SIK3: variants seen among roughly 807,000 people sequenced by gnomAD.
The protein encoded by SIK3 is SIK family kinase 3.
SIK3 carries 28 observed loss-of-function variants against 144.2 expected under a neutral mutation model. The observed-to-expected ratio is 0.19, with a 90% confidence interval of 0.14 to 0.27. The LOEUF is 0.27. SIK3 is among the 10% of genes least tolerant of loss of function. The pLI is 1.00. For missense variants in SIK3, 1,319 were observed against 1,776.0 expected, an observed-to-expected ratio of 0.74 and a Z score of 4.62; for synonymous variants, 686 against 676.3, an observed-to-expected ratio of 1.01 and a Z score of -0.22.
chr11:116,946,979 G>A (rs901769372), intron 3 of SIK3, among the ~76,000 whole-genome samples: 1 of 151,214 alleles, frequency 6.6e-6, no homozygotes, highest in Non-Finnish European at 1.5e-5. Context: ...GCCGGGCATA[G>A]TGGCGAGTGC....
chr11:117,089,197 A>T (rs979110760), intron 1 of SIK3, among the ~76,000 whole-genome samples: 1 of 151,970 alleles, frequency 6.6e-6, no homozygotes, highest in African/African-American at 2.4e-5. Context: ...CGAGGTCAGG[A>T]AATCGAGACC....
At chr11:117,049,528 AG>A (rs1388459759) in intron 1 of SIK3, among the ~76,000 whole-genome samples, 1 of 152,172 alleles carries the variant, frequency 6.6e-6, no homozygotes, top group Non-Finnish European at 1.5e-5. Flanking sequence ...CAGTAAGCCG[AG>A]ATCGCGCCAC....
chr11:117,034,472 G>A (rs571023422), intron 1 of SIK3, among the ~76,000 whole-genome samples: 1 of 152,250 alleles, frequency 6.6e-6, no homozygotes, highest in East Asian at 1.9e-4. Flanking sequence ...CACAATTGAA[G>A]GGAGAAATTA....
intron 1 of SIK3, among the ~76,000 whole-genome samples, chr11:117,067,756 G>A (rs1269881847): frequency 1.3e-5 from 2 of 152,122 alleles, no homozygotes; most frequent in African/African-American, 4.8e-5. Context: ...AGAGGCCAAG[G>A]CGGGAGGATC....
chr11:116,875,850 T>C lies in SIK3; in HGVS notation c.1239+16A>G. 6.3e-7 allele frequency: 1 copy of C among 1,595,706 alleles called. No individual in the cohort carries two copies. ...TGTTACTTGTCCTGAACTAGGTCACTGGAGTTATTGCCCACCTGGATATTG... is the reference window on the plus strand; with the variant it reads ...TGTTACTTGTCCTGAACTAGGTCACCGGAGTTATTGCCCACCTGGATATTG... On this transcript the variant is annotated intron_variant, in intron 9 of 24. Coordinates refer to ENST00000445177, the MANE Select transcript of SIK3 (RefSeq NM_001366686.3).
chr11:116,937,177 T>C (rs776673685), intron 3 of SIK3, among the ~76,000 whole-genome samples: 1 of 152,216 alleles, frequency 6.6e-6, no homozygotes, highest in African/African-American at 2.4e-5. Flanking sequence ...CTGCAAGACG[T>C]AGAAAAATAT....
rs561975531 is a variant in SIK3 at position 116,868,139 on chromosome 11, T to C, written c.1809-50A>G. 19 of 1,548,724 alleles carry C rather than the reference T, an allele frequency of 1.2e-5. No homozygotes were observed. The South Asian group carries it at 1.8e-4, about 15-fold the overall frequency. Reference sequence around the variant, plus strand: ...ATAGTAAAAAAGACAGACAGGAATATTCCTCCACAAGAAGCATTAGAAGTT... The same window carrying C: ...ATAGTAAAAAAGACAGACAGGAATACTCCTCCACAAGAAGCATTAGAAGTT... On this transcript the variant is annotated intron_variant, in intron 14 of 24. Transcript: ENST00000445177.
At chr11:116,949,363 T>G (rs538473958) in intron 3 of SIK3, among the ~76,000 whole-genome samples, 1 of 152,264 alleles carries the variant, frequency 6.6e-6, no homozygotes, top group Non-Finnish European at 1.5e-5. Context: ...TCTCATTTAC[T>G]GACCATACTC....
chr11:116,961,012 GGCTGCCGCCA>G (rs1949328138), intron 1 of SIK3, among the ~76,000 whole-genome samples: 1 of 152,184 alleles, frequency 6.6e-6, no homozygotes, highest in Non-Finnish European at 1.5e-5. Context: ...AGAACCAACT[GGCTGCCGCCA>G]GCTGATGTGG....
chr11:116,947,571 T>G (rs1298954325), intron 3 of SIK3, among the ~76,000 whole-genome samples: 32 of 34,948 alleles, frequency 9.2e-4, no homozygotes, highest in Non-Finnish European at 2.3e-3. Context: ...ATGTATGTAT[T>G]TTTTTTTTTT....
rs377278900 is a variant in SIK3 at position 117,076,796 on chromosome 11, C to G, written c.273+21347G>C. ...GACCTCATGATCCACCCGCCTCGGC[C>G]TCCCAAAGTACTGAGATTACAGGCA... is the stretch of plus-strand genomic sequence containing the variant. On this transcript the variant is annotated intron_variant, in intron 1 of 24. Coordinates refer to ENST00000445177, the MANE Select transcript of SIK3 (RefSeq NM_001366686.3). 5.9e-5 allele frequency among the ~76,000 whole-genome samples: 9 copies of G among 152,274 alleles called. No individual in the cohort carries two copies. In the East Asian group the frequency reaches 1.5e-3, roughly 26 times the overall value.
intron 4 of SIK3, among the ~76,000 whole-genome samples, chr11:116,908,182 A>G (rs1270073222): frequency 6.6e-6 from 1 of 152,162 alleles, no homozygotes; most frequent in Non-Finnish European, 1.5e-5. Context: ...TAACTTATAA[A>G]ATAAAGGACT....
intron 1 of SIK3, among the ~76,000 whole-genome samples, chr11:116,964,331 G>T (rs988816315): frequency 6.7e-4 from 102 of 152,078 alleles, no homozygotes; most frequent in African/African-American, 2.4e-3. Context: ...CTATATTTCA[G>T]CTTGAAACAA....
rs1565354212 is a variant in SIK3 at position 116,849,306 on chromosome 11, A to C, written c.3656-23T>G. 1 of 1,613,550 alleles carries C rather than the reference A, an allele frequency of 6.2e-7. No individual in the cohort carries two copies. Among genetic ancestry groups the C allele is most frequent in the Non-Finnish European group, 8.5e-7 (1 of 1,179,660 alleles). On this transcript the variant is annotated intron_variant, in intron 21 of 24. Coordinates refer to ENST00000445177, the MANE Select transcript of SIK3 (RefSeq NM_001366686.3). The surrounding 1 kb of genome is among the most constrained non-coding windows in gnomAD (Gnocchi z 4.2). ...GCTCTGAGGAGACACAGCAGAATAG[A>C]GTCAGTGGGGCGGAACTTCTCCCAG...
At chr11:116,887,018 T>C (rs915545823) in intron 6 of SIK3, among the ~76,000 whole-genome samples, 5 of 152,158 alleles carry the variant, frequency 3.3e-5, no homozygotes, top group Non-Finnish European at 7.4e-5. Context: ...ACTTAAGGAA[T>C]AGGAAGCAAA....
chr11:117,021,615 A>G (rs948403148), intron 1 of SIK3, among the ~76,000 whole-genome samples: 3 of 152,072 alleles, frequency 2.0e-5, no homozygotes, highest in African/African-American at 7.2e-5. Context: ...TAAGATGTAA[A>G]GTCTATATAA....
At position 116,873,565 on chromosome 11, in the gene SIK3, T is replaced by C. The variant is rs760106341; in HGVS notation, c.1653A>G (p.Ser551=). 6 of 1,611,368 alleles carry C rather than the reference T, an allele frequency of 3.7e-6. No homozygotes were observed. Among genetic ancestry groups the C allele is most frequent in the Non-Finnish European group, 2.5e-6 (3 of 1,178,844 alleles). ...NGMGPLGRRA[S]DGGANIQLHA... ...GCAGTTGGATGTTGGCTCCTCCATCTGATGCCCTCCGGCCAAGGGGGCCCA... is the reference window on the plus strand; with the variant it reads ...GCAGTTGGATGTTGGCTCCTCCATCCGATGCCCTCCGGCCAAGGGGGCCCA... Residue 551 remains serine, a synonymous_variant, in exon 13 of 25, where the codon TCA becomes TCG. Transcript: ENST00000445177.
At chr11:116,887,005 TTTAC>T (rs1377904965) in intron 6 of SIK3, among the ~76,000 whole-genome samples, 3 of 152,174 alleles carry the variant, frequency 2.0e-5, no homozygotes, top group African/African-American at 7.2e-5. Context: ...TCAAACTTAT[TTTAC>T]TTAAGGAATA....
chr11:117,009,558 AAAAAAAC>A (rs1338347195), intron 1 of SIK3, among the ~76,000 whole-genome samples: 1 of 152,088 alleles, frequency 6.6e-6, no homozygotes, highest in Non-Finnish European at 1.5e-5. Context: ...GGTCTCAAAA[AAAAAAAC>A]AAAAAACAAA....
Sources: allele counts gnomAD v4.1 joint callset (sites outside exome capture counted in the v4.1 genomes callset), GRCh38; gene constraint gnomAD v4.1.1; non-coding constraint Gnocchi (gnomAD v3.1); transcripts MANE v1.5; gene names NCBI Gene and HGNC (gene_info 2026-07-23, HGNC 2026-07-21).